COL7A1: variants seen among roughly 807,000 people sequenced by gnomAD.
COL7A1 encodes the protein collagen type VII alpha 1 chain.
COL7A1 carries 296 observed loss-of-function variants against 456.2 expected under a neutral mutation model. That is an observed-to-expected ratio of 0.65 (90% CI 0.59 to 0.71). The LOEUF (loss-of-function observed/expected upper bound fraction) is 0.71. COL7A1 is among the 30% of genes least tolerant of loss of function. COL7A1 has a pLI of 0.00. For missense variants in COL7A1, 3,441 were observed against 4,017.2 expected, an observed-to-expected ratio of 0.86 and a Z score of 3.88; for synonymous variants, 1,464 against 1,525.9, an observed-to-expected ratio of 0.96 and a Z score of 0.95.
rs1475310166 is a variant in COL7A1 at position 48,575,455 on chromosome 3, C to G, written c.6064G>C (p.Gly2022Arg). ...GPQGPPGLAL[G>R]ERGPPGPSGL... ...GAAGGCCCGGGGGGGCCCCTCTCCC[C>G]AAGGGCCAGACCAGGTGGCCCCTGA... The change falls in exon 74 of 119, where the codon GGG (glycine) becomes CGG (arginine). Residue 2022 changes from glycine (G) to arginine (R), a missense_variant. Gly to Arg is a moderately radical substitution (Grantham distance 125, BLOSUM62 -2). This residue lies in a region of COL7A1 where 2,084 missense variants were observed against 2,501.3 expected (regional missense o/e 0.83). Coordinates refer to ENST00000681320, the MANE Select transcript of COL7A1 (RefSeq NM_000094.4). The surrounding 1 kb of genome is among the most constrained non-coding windows in gnomAD (Gnocchi z 6.3). 6.2e-7 allele frequency: 1 copy of G among 1,611,256 alleles called. No homozygotes were observed.
chr3:48,566,700 G>C lies in COL7A1; in HGVS notation c.8264C>G (p.Ala2755Gly). The change falls in exon 112 of 119, where the codon GCT becomes GGT. Residue 2755 changes from alanine to glycine, a missense_variant. By Grantham distance (60) the Ala-to-Gly change is moderately conservative. Around this residue, in one of 3 missense-constraint regions of COL7A1, gnomAD observed 2,084 missense variants for 2,501.3 expected, o/e 0.83. Transcript: ENST00000681320. The surrounding 1 kb of genome is among the most constrained non-coding windows in gnomAD (Gnocchi z 5.9). Reference sequence around the variant, plus strand: ...GCCAGGAGCTCCAGGGACCCCAGGAGCCCCCACCACTCTCTCTCCGGGGGG... The same window carrying C: ...GCCAGGAGCTCCAGGGACCCCAGGACCCCCCACCACTCTCTCTCCGGGGGG... ...RGPPGERVVGAPGVPGAPGER... is the reference protein window; with the variant it reads ...RGPPGERVVGGPGVPGAPGER... 2 of 1,613,614 alleles carry C rather than the reference G, an allele frequency of 1.2e-6. No individual in the cohort carries two copies. Among genetic ancestry groups the C allele is most frequent in the African/African-American group, 1.3e-5 (1 of 74,880 alleles).
chr3:48,570,091 G>A lies in COL7A1; in HGVS notation c.7485+43C>T. On this transcript the variant is annotated intron_variant, in intron 99 of 118. Coordinates refer to ENST00000681320, the MANE Select transcript of COL7A1 (RefSeq NM_000094.4). This position sits in a 1 kb window ranked among gnomAD's most constrained non-coding sequence, Gnocchi z 5.5. ...CTGGGGTACAAAGGGCACAGGCAGG[G>A]GACTGAAGTCACAGCACTGTCACTT... 4 of 1,611,690 alleles carry A rather than the reference G, an allele frequency of 2.5e-6. No homozygotes were observed. The highest frequency in any genetic ancestry group is 3.4e-6 in the Non-Finnish European group (4 of 1,177,894).
In COL7A1 at chr3:48,585,416, C is replaced by G; in HGVS notation, c.3894+141G>C. 6.8e-6 allele frequency: 7 copies of G among 1,022,450 alleles called. No homozygotes were observed. Among genetic ancestry groups the G allele is most frequent in the Non-Finnish European group, 1.1e-5 (7 of 662,658 alleles). The allele number at this position is 1,022,450 out of a possible 1,614,324, so 63.3% of individuals were successfully genotyped here. A position where few individuals can be genotyped will look rare whatever the true frequency, so the allele number is the denominator to read the frequency against. ...TCTATTTCAGAGTGTCCCCCAAAGT[C>G]TCTGTGGTGGTTTATAACCTCCAGC... On this transcript the variant is annotated intron_variant, in intron 32 of 118. Transcript: ENST00000681320. The surrounding 1 kb of genome is among the most constrained non-coding windows in gnomAD (Gnocchi z 4.5).
chr3:48,570,324 C>T lies in COL7A1; in HGVS notation c.7391G>A (p.Gly2464Glu), dbSNP rs1176292922. The change falls in exon 98 of 119, where the codon GGA becomes GAA. Residue 2464 changes from glycine (G) to glutamate (E), a missense_variant. Physicochemically the swap from Gly to Glu is moderately conservative, Grantham distance 98. Coordinates refer to ENST00000681320, the MANE Select transcript of COL7A1 (RefSeq NM_000094.4). The surrounding 1 kb of genome is among the most constrained non-coding windows in gnomAD (Gnocchi z 5.5). ...SGLKGDKGDP[G>E]VGLPGPRGER... ...GCCTCGGGGCCCAGGCAGCCCTACT[C>T]CAGGGTCTCCCTGGAGACCAACAGG... 1 of 1,613,948 alleles carries T rather than the reference C, an allele frequency of 6.2e-7. No individual in the cohort carries two copies. The highest frequency in any genetic ancestry group is 8.5e-7 in the Non-Finnish European group (1 of 1,179,984).
At position 48,592,969 on chromosome 3, in the gene COL7A1, G is replaced by T. The variant is rs1397928435; in HGVS notation, c.683-31C>A. The T allele has an allele frequency of 1.2e-6, 2 of 1,613,178 alleles. No homozygotes were observed. The highest frequency in any genetic ancestry group is 2.7e-5 in the African/African-American group (2 of 75,028). On this transcript the variant is annotated intron_variant, in intron 6 of 118. Transcript: ENST00000681320. This position sits in a 1 kb window ranked among gnomAD's most constrained non-coding sequence, Gnocchi z 7.6. Reference sequence around the variant, plus strand: ...AATGCGGGATCAGGGGATCAGGCAGGAGGATTGGGGTGGGCATGTATGATG... The same window carrying T: ...AATGCGGGATCAGGGGATCAGGCAGTAGGATTGGGGTGGGCATGTATGATG...
At position 48,591,731 on chromosome 3, in the gene COL7A1, T is replaced by G. The variant is rs767837679; in HGVS notation, c.1449A>C (p.Thr483=). The G allele has an allele frequency of 6.2e-7, 1 of 1,613,852 alleles. No individual in the cohort carries two copies. The highest frequency in any genetic ancestry group is 8.5e-7 in the Non-Finnish European group (1 of 1,179,920). The change falls in exon 12 of 119, where the codon ACA becomes ACC. Residue 483 remains threonine (T), a synonymous_variant. Coordinates refer to ENST00000681320, the MANE Select transcript of COL7A1 (RefSeq NM_000094.4). The surrounding 1 kb of genome is among the most constrained non-coding windows in gnomAD (Gnocchi z 7.0). ...CGTGGCCCTCCAGCAGAGTGTAGAG[T>G]GTGAGGCGGTACTCAGTGCCCGGCT... ...GLQPGTEYRL[T]LYTLLEGHEV...
In COL7A1 at chr3:48,594,546, T is replaced by G. The variant is rs758672611; in HGVS notation, c.88A>C (p.Thr30Pro). ...TCAGCGGCGTAAAGGCGCGTGCAGG[T>G]CACTGGGGCGGGCAGGAGAGATCAG... ...RVRAQHRERV[T>P]CTRLYAADIV... is the part of the protein sequence containing the mutation. Residue 30 changes from threonine (T) to proline (P), a missense_variant and splice_region_variant, in exon 3 of 119, where the codon ACC (threonine) becomes CCC (proline). This residue lies in a region of COL7A1 where 913 missense variants were observed against 1,088.2 expected (regional missense o/e 0.84). Transcript: ENST00000681320. The surrounding 1 kb of genome is among the most constrained non-coding windows in gnomAD (Gnocchi z 5.5). 1 of 1,590,848 alleles carries G rather than the reference T, an allele frequency of 6.3e-7. No homozygotes were observed. Among genetic ancestry groups the G allele is most frequent in the South Asian group, 1.1e-5 (1 of 88,896 alleles).
In COL7A1 at chr3:48,572,250, C is replaced by T. The variant is rs2043976772; in HGVS notation, c.6979-79G>A. ...TCCGGAGGGAGGCATGGGGCCAGAG[C>T]TTAAATATGCGGTCTACTATGAAAG... On this transcript the variant is annotated intron_variant, in intron 90 of 118. Transcript: ENST00000681320. The surrounding 1 kb of genome is among the most constrained non-coding windows in gnomAD (Gnocchi z 4.6). 5.6e-6 allele frequency: 9 copies of T among 1,612,116 alleles called. No individual in the cohort carries two copies. Among genetic ancestry groups the T allele is most frequent in the Non-Finnish European group, 6.8e-6 (8 of 1,178,286 alleles).
rs377441767 is a variant in COL7A1, at chr3:48,564,301, G to A, written c.*105C>T. ...TGAAATAACGGACGTGCACACGCAC[G>A]CTCACGTGCACACAAGCCTCTAGCA... On this transcript the variant is annotated 3_prime_UTR_variant, in exon 119 of 119. Transcript: ENST00000681320. This position sits in a 1 kb window ranked among gnomAD's most constrained non-coding sequence, Gnocchi z 6.0. The A allele has an allele frequency of 2.7e-4, 371 of 1,380,322 alleles. 2 individuals carry two copies. In the South Asian group the frequency reaches 4.0e-3, roughly 15 times the overall value. The allele number at this position is 1,380,322 out of a possible 1,614,324, so 85.5% of individuals were successfully genotyped here. A position where few individuals can be genotyped will look rare whatever the true frequency, so the allele number is the denominator to read the frequency against.
chr3:48,584,948 G>A lies in COL7A1; in HGVS notation c.3976-3C>T, dbSNP rs200841077. 6.2e-6 allele frequency: 10 copies of A among 1,613,762 alleles called. No homozygotes were observed. Among genetic ancestry groups the A allele is most frequent in the Non-Finnish European group, 7.6e-6 (9 of 1,180,000 alleles). On this transcript the variant is annotated splice_region_variant and splice_polypyrimidine_tract_variant and intron_variant, in intron 33 of 118. Transcript: ENST00000681320. ...GGGCCAGGCAACCCTGGAGAGCCCT[G>A]CAAATGGAGGCCAGAGGCAGAACAG... is the stretch of plus-strand genomic sequence containing the variant.
rs1186603415 is a variant in COL7A1, at chr3:48,572,530, G to A, written c.6909C>T (p.Val2303=). 15 of 1,613,420 alleles carry A rather than the reference G, an allele frequency of 9.3e-6. No homozygotes were observed. Among genetic ancestry groups the A allele is most frequent in the East Asian group, 8.9e-5 (4 of 44,828 alleles). The change falls in exon 89 of 119, where the codon GTC becomes GTT. Residue 2303 remains valine (V), a synonymous_variant. Coordinates refer to ENST00000681320, the MANE Select transcript of COL7A1 (RefSeq NM_000094.4). This position sits in a 1 kb window ranked among gnomAD's most constrained non-coding sequence, Gnocchi z 4.6. ...GPTGAPGQAV[V]GLPGAKGEKG... ...TCTCTCCCTTTGCTCCAGGGAGCCC[G>A]ACCACAGCCTGTGGGGAATGCTAGT...
chr3:48,588,996 C>T lies in COL7A1; in HGVS notation c.2315-1G>A. On this transcript the variant is annotated splice_acceptor_variant, in intron 18 of 118. Coordinates refer to ENST00000681320, the MANE Select transcript of COL7A1 (RefSeq NM_000094.4). LOFTEE classifies it high-confidence loss of function. This position sits in a 1 kb window ranked among gnomAD's most constrained non-coding sequence, Gnocchi z 4.6. ...GACACACGACCCACAGGCTCAGGGG[C>T]TGGGGACAGAGGCAAGGTAAGGGGT... 1 of 1,613,378 alleles carries T rather than the reference C, an allele frequency of 6.2e-7. No homozygotes were observed. Among genetic ancestry groups the T allele is most frequent in the Non-Finnish European group, 8.5e-7 (1 of 1,180,040 alleles).
Position 48,587,922 on chromosome 3 carries a change from G to A in COL7A1, c.2728C>T (p.Arg910Trp), listed in dbSNP as rs751815309. The change falls in exon 22 of 119, where the codon CGG becomes TGG. Residue 910 changes from arginine (R) to tryptophan (W), a missense_variant. By Grantham distance (101) the Arg-to-Trp change is moderately radical. Around this residue, in one of 3 missense-constraint regions of COL7A1, gnomAD observed 444 missense variants for 427.6 expected, o/e 1.04. Coordinates refer to ENST00000681320, the MANE Select transcript of COL7A1 (RefSeq NM_000094.4). The surrounding 1 kb of genome is among the most constrained non-coding windows in gnomAD (Gnocchi z 6.1). ...CTGCTGAGCTCGGGCCCCAGGACCC[G>A]GGACTGTTCCTGGCCACCTGGGGCA... is the stretch of plus-strand genomic sequence containing the variant. Reference protein sequence around the residue: ...WQPEGGQEQSRVLGPELSSYH... With the variant: ...WQPEGGQEQSWVLGPELSSYH... The A allele has an allele frequency of 1.1e-5, 17 of 1,598,258 alleles. No homozygotes were observed. The highest frequency in any genetic ancestry group is 9.4e-5 in the African/African-American group (7 of 74,506).
rs369829451 is a variant in COL7A1, at chr3:48,591,959, G to A, written c.1296C>T (p.Leu432=). The A allele has an allele frequency of 1.9e-6, 3 of 1,614,086 alleles. No individual in the cohort carries two copies. The highest frequency in any genetic ancestry group is 2.5e-6 in the Non-Finnish European group (3 of 1,180,046). Residue 432 remains leucine, a synonymous_variant, in exon 11 of 119, where the codon CTC becomes CTT. Transcript: ENST00000681320. The surrounding 1 kb of genome is among the most constrained non-coding windows in gnomAD (Gnocchi z 7.0). ...CCTCAGGCACCAAGTTCCAGGAAAGGAGGATGGATGTGGGGCCCAGGATGA... is the reference window on the plus strand; with the variant it reads ...CCTCAGGCACCAAGTTCCAGGAAAGAAGGATGGATGTGGGGCCCAGGATGA... The part of the protein sequence containing the change: ...RPVILGPTSI[L]LSWNLVPEAR...
In COL7A1 at chr3:48,569,749, C is replaced by T; in HGVS notation, c.7533G>A (p.Gly2511=). 6.2e-7 allele frequency: 1 copy of T among 1,614,200 alleles called. No homozygotes were observed. Among genetic ancestry groups the T allele is most frequent in the Non-Finnish European group, 8.5e-7 (1 of 1,180,026 alleles). ...RGERGEKGDV[G]SAGLKGDKGD... ...CCTTGTCACCCTTTAGTCCTGCACT[C>T]CCAACATCACCCTATTGGGCAAAAG... Residue 2511 remains glycine, a synonymous_variant, in exon 101 of 119, where the codon GGG becomes GGA. Coordinates refer to ENST00000681320, the MANE Select transcript of COL7A1 (RefSeq NM_000094.4). This position sits in a 1 kb window ranked among gnomAD's most constrained non-coding sequence, Gnocchi z 4.9.
intron 65 of COL7A1, 144 bp from the exon 66 acceptor site, chr3:48,577,171 C>A: frequency 8.6e-7 from 1 of 1,168,098 alleles, no homozygotes; most frequent in Non-Finnish European, 1.3e-6. Flanking sequence ...TGGCCTGTGG[C>A]CGTCTGAGTG....
chr3:48,587,672 G>C lies in COL7A1; in HGVS notation c.2858-118C>G. 1 of 1,593,958 alleles carries C rather than the reference G, an allele frequency of 6.3e-7. No homozygotes were observed. The highest frequency in any genetic ancestry group is 1.1e-5 in the South Asian group (1 of 90,376). On this transcript the variant is annotated intron_variant, in intron 22 of 118. Transcript: ENST00000681320. The surrounding 1 kb of genome is among the most constrained non-coding windows in gnomAD (Gnocchi z 6.1). ...GAAGCATCATGGGAGGTCATGCTGGGGTCACCCAGGGTCAGAGGGTGAGGG... is the reference window on the plus strand; with the variant it reads ...GAAGCATCATGGGAGGTCATGCTGGCGTCACCCAGGGTCAGAGGGTGAGGG...
intron 17 of COL7A1, 64 bp downstream of exon 17, chr3:48,589,535 C>T (rs2045542829): frequency 3.1e-6 from 5 of 1,612,188 alleles, no homozygotes; most frequent in Non-Finnish European, 4.2e-6. Context: ...CCCACCTGGA[C>T]CCCCAATAAA....
chr3:48,576,999 C>T lies in COL7A1; in HGVS notation c.5561G>A (p.Gly1854Glu). The change falls in exon 66 of 119, where the codon GGG (glycine) becomes GAG (glutamate). Residue 1854 changes from glycine to glutamate, a missense_variant. By Grantham distance (98) the Gly-to-Glu change is moderately conservative. Coordinates refer to ENST00000681320, the MANE Select transcript of COL7A1 (RefSeq NM_000094.4). ...CCAGGTGGGGGACTTTACCTTCCTC[C>T]CGTCTTCTCCAGGGTCCCCAGGTTC... ...NGEPGDPGED[G>E]RKGEKGDSGA... 6.2e-7 allele frequency: 1 copy of T among 1,614,000 alleles called. No individual in the cohort carries two copies. The highest frequency in any genetic ancestry group is 8.5e-7 in the Non-Finnish European group (1 of 1,180,034).
Sources: allele counts gnomAD v4.1 joint callset, GRCh38; gene constraint gnomAD v4.1.1; regional missense constraint gnomAD v4.1.1; non-coding constraint Gnocchi (gnomAD v3.1); transcripts MANE v1.5; gene names NCBI Gene and HGNC (gene_info 2026-07-23, HGNC 2026-07-21).